Variants in TCOF1 observed in about 807,000 individuals in gnomAD.
The protein encoded by TCOF1 is treacle protein.
In TCOF1, 33 loss-of-function variants were observed where a neutral mutation model predicts 149.0. That is an observed-to-expected ratio of 0.22 (90% confidence interval 0.17 to 0.30). TCOF1 has a LOEUF of 0.30. Among genes scored for constraint, TCOF1 ranks in the 10% least tolerant of loss-of-function variants. The pLI, the probability that TCOF1 is intolerant of heterozygous loss-of-function variation, is 1.00. For synonymous variants in TCOF1, 789 were observed against 738.8 expected, an observed-to-expected ratio of 1.07 and a Z score of -1.10; for missense variants, 1,728 against 1,840.7, an observed-to-expected ratio of 0.94 and a Z score of 1.12.
Position 150,376,184 on chromosome 5 carries a change from C to G in TCOF1, c.1996C>G (p.Pro666Ala), listed in dbSNP as rs1342438698. 2 of 1,614,074 alleles carry G rather than the reference C, an allele frequency of 1.2e-6. No homozygotes were observed. Among genetic ancestry groups the G allele is most frequent in the African/African-American group, 1.3e-5 (1 of 74,948 alleles). The change falls in exon 13 of 27, where the codon CCC (proline) becomes GCC (alanine). Residue 666 changes from proline to alanine, a missense_variant. Transcript: ENST00000643257. ...CCCTGTGCGAGTGGGCACCCAAGCC[C>G]CCCGGAAAGCAGGAACTGCGACTTC... ...VAPVRVGTQA[P>A]RKAGTATSPA...
In TCOF1 at chr5:150,357,853, A is replaced by G; in HGVS notation, c.107A>G (p.Gln36Arg). Reference protein sequence around the residue: ...AAREVKEQSGQKCFLAQPVTL... With the variant: ...AAREVKEQSGRKCFLAQPVTL... The stretch of plus-strand genomic sequence containing the variant: ...CGGGAAGTGAAGGAGCAGAGCGGCC[A>G]GGTAAGCGTTCGTGGGCCGTGTGCG... The change falls in exon 1 of 27, where the codon CAG becomes CGG. Residue 36 changes from glutamine to arginine, a missense_variant and splice_region_variant. Transcript: ENST00000643257. 6.5e-7 allele frequency: 1 copy of G among 1,549,318 alleles called. No individual in the cohort carries two copies. Among genetic ancestry groups the G allele is most frequent in the Non-Finnish European group, 8.7e-7 (1 of 1,146,406 alleles).
At chr5:150,397,646 T>A (rs1352274791) in intron 24 of TCOF1, among the ~76,000 whole-genome samples, 1 of 152,166 alleles carries the variant, frequency 6.6e-6, no homozygotes, top group African/African-American at 2.4e-5. Context: ...GGGTTGCCAG[T>A]GACGCCCGAA....
Position 150,388,037 on chromosome 5 carries a change from T to C in TCOF1, c.2995T>C (p.Ser999Pro). ...ASESTARSSS[S>P]ESEDEDVIPA... ...GGAGAGCACAGCCAGGAGCTCCTCC[T>C]CCGAGAGCGAGGATGAGGACGTGAT... The change falls in exon 18 of 27, where the codon TCC becomes CCC. Residue 999 changes from serine to proline, a missense_variant. Transcript: ENST00000643257. 6.2e-7 allele frequency: 1 copy of C among 1,613,694 alleles called. No homozygotes were observed. The highest frequency in any genetic ancestry group is 8.5e-7 in the Non-Finnish European group (1 of 1,180,006).
Position 150,396,740 on chromosome 5 carries a change from A to G in TCOF1, c.4243A>G (p.Lys1415Glu). The G allele has an allele frequency of 1.2e-6, 2 of 1,612,472 alleles. No individual in the cohort carries two copies. The highest frequency in any genetic ancestry group is 1.7e-6 in the Non-Finnish European group (2 of 1,179,572). The change falls in exon 24 of 27, where the codon AAG becomes GAG. Residue 1415 changes from lysine to glutamate, a missense_variant. By Grantham distance (56) the Lys-to-Glu change is moderately conservative. Transcript: ENST00000643257. ...GKGSLGSQGA[K>E]DEPEEELQKG... ...GGGGTCTCTTGGCTCCCAAGGGGCCAAGGACGAGCCAGAAGAGGAGCTTCA... is the reference window on the plus strand; with the variant it reads ...GGGGTCTCTTGGCTCCCAAGGGGCCGAGGACGAGCCAGAAGAGGAGCTTCA...
chr5:150,378,873 TCTCC>T (rs1562377098), intron 14 of TCOF1, 28 bp from the exon 15 acceptor site: 3 of 1,613,816 alleles, frequency 1.9e-6, no homozygotes, highest in Non-Finnish European at 2.5e-6. Context: ...AATCTCACCT[TCTCC>T]CTCCTTAATT....
chr5:150,365,026 G>A (rs1002642195), intron 3 of TCOF1: 1 of 151,950 alleles, frequency 6.6e-6, no homozygotes, highest in African/African-American at 2.4e-5. Flanking sequence ...AGCTTCCTGA[G>A]TCTGCTTTTA....
intron 3 of TCOF1, 85 bp downstream of exon 3, chr5:150,364,337 C>A: frequency 6.3e-7 from 1 of 1,584,166 alleles, no homozygotes. Flanking sequence ...TCTCTTATCA[C>A]TAGAAGACCT....
rs1765909463 is a variant in TCOF1, at chr5:150,384,649, G to C, written c.2860-3253G>C. On this transcript the variant is annotated intron_variant, in intron 17 of 26. Coordinates refer to ENST00000643257, the MANE Select transcript of TCOF1 (RefSeq NM_001371623.1). ...CCTGCTTAAACTGAACCATTTAATT[G>C]GTATGTTAGTCCTGAAGATTCTGGA... 4 of 982,884 alleles carry C rather than the reference G, an allele frequency of 4.1e-6. No individual in the cohort carries two copies. The Admixed American group carries it at 1.9e-4, about 46-fold the overall frequency. 60.9% of individuals were successfully genotyped at this position (982,884 alleles called of 1,614,324 possible).
chr5:150,392,318 G>A (rs940286118), intron 21 of TCOF1, 142 bp downstream of exon 21: 1 of 798,478 alleles, frequency 1.3e-6, no homozygotes, highest in East Asian at 2.7e-5. Flanking sequence ...TTCCCCACCT[G>A]TACAACTTCA....
chr5:150,368,416 C>A, intron 4 of TCOF1: 1 of 450,638 alleles, frequency 2.2e-6, no homozygotes, highest in Non-Finnish European at 4.1e-6. Context: ...TTGCCTGGAG[C>A]ATTAGCAACA....
intron 17 of TCOF1, among the ~76,000 whole-genome samples, chr5:150,381,786 A>G (rs2569059): frequency 7.2e-5 from 11 of 152,376 alleles, no homozygotes; most frequent in Admixed American, 3.9e-4. Context: ...ACAAAGTCCC[A>G]GGTTCCAGCT....
intron 17 of TCOF1, among the ~76,000 whole-genome samples, chr5:150,386,770 A>G (rs1378356834): frequency 2.6e-5 from 4 of 152,190 alleles, no homozygotes; most frequent in Admixed American, 2.6e-4. Flanking sequence ...CTGGCTCACA[A>G]CCATGTGTGT....
At chr5:150,373,307 C>G (rs1762956421) in intron 7 of TCOF1, among the ~76,000 whole-genome samples, 2 of 152,108 alleles carry the variant, frequency 1.3e-5, no homozygotes, top group Admixed American at 1.3e-4. Context: ...TCCCAAAGTG[C>G]CGTGATTACA....
chr5:150,372,138 C>G lies in TCOF1; in HGVS notation c.772C>G (p.Pro258Ala). ...ACCCCAGGTCAAAGGAGGGGCCCTG[C>G]CCCCAGCCAAGAGGGCCAAGAAGCC... is the stretch of plus-strand genomic sequence containing the variant. ...VTPQVKGGAL[P>A]PAKRAKKPEE... The change falls in exon 7 of 27, where the codon CCC (proline) becomes GCC (alanine). Residue 258 changes from proline to alanine, a missense_variant. Coordinates refer to ENST00000643257, the MANE Select transcript of TCOF1 (RefSeq NM_001371623.1). The G allele has an allele frequency of 6.2e-7, 1 of 1,614,196 alleles. No individual in the cohort carries two copies. Among genetic ancestry groups the G allele is most frequent in the Non-Finnish European group, 8.5e-7 (1 of 1,180,038 alleles).
chr5:150,380,276 A>G (rs976435761), intron 17 of TCOF1: 12 of 174,420 alleles, frequency 6.9e-5, no homozygotes, highest in Admixed American at 1.1e-4. Flanking sequence ...TCCTGGGTCT[A>G]TATCTAGGTC....
chr5:150,396,498 CCACCAAGGAGAGCAG>C lies in TCOF1; in HGVS notation c.4004_4018del (p.Thr1335_Ser1339del). On this transcript the variant is annotated inframe_deletion, in exon 24 of 27. Coordinates refer to ENST00000643257, the MANE Select transcript of TCOF1 (RefSeq NM_001371623.1). ...CAGGAAAGAAAGAAGGTGGTGGACA[CCACCAAGGAGAGCAG>C]CAGGAAGGGCTGGGAGAGCCGCAAG... The C allele has an allele frequency of 6.2e-7, 1 of 1,613,220 alleles. No homozygotes were observed. The highest frequency in any genetic ancestry group is 8.5e-7 in the Non-Finnish European group (1 of 1,179,696).
chr5:150,381,499 G>A (rs1044372146), intron 17 of TCOF1, among the ~76,000 whole-genome samples: 2 of 152,220 alleles, frequency 1.3e-5, no homozygotes, highest in African/African-American at 4.8e-5. Flanking sequence ...CAAAAGTGGA[G>A]AAGGCCCCTC....
intron 14 of TCOF1, among the ~76,000 whole-genome samples, chr5:150,377,639 C>T (rs1385921261): frequency 1.3e-5 from 2 of 152,084 alleles, no homozygotes; most frequent in Non-Finnish European, 1.5e-5. Flanking sequence ...GACCTCAGGG[C>T]TCTAGAATTC....
rs1763538629 is a variant in TCOF1, at chr5:150,375,425, A to C, written c.1575A>C (p.Pro525=). ...TGGGGAAAGGCGCCGGCCCAGTGCCACCCGGGAAGGTGGGGCCTGCAACCC... is the reference window on the plus strand; with the variant it reads ...TGGGGAAAGGCGCCGGCCCAGTGCCCCCCGGGAAGGTGGGGCCTGCAACCC... The part of the protein sequence containing the change: ...GPLGKGAGPV[P]PGKVGPATPS... Residue 525 remains proline (P), a synonymous_variant, in exon 11 of 27, where the codon CCA becomes CCC. Transcript: ENST00000643257. The C allele has an allele frequency of 6.2e-7, 1 of 1,611,986 alleles. No homozygotes were observed. Among genetic ancestry groups the C allele is most frequent in the Non-Finnish European group, 8.5e-7 (1 of 1,179,380 alleles).
Sources: allele counts gnomAD v4.1 joint callset (sites outside exome capture counted in the v4.1 genomes callset), GRCh38; gene constraint gnomAD v4.1.1; transcripts MANE v1.5; gene names NCBI Gene and HGNC (gene_info 2026-07-23, HGNC 2026-07-21).